The following SNPH variants were observed in gnomAD, a reference collection of about 807,000 sequenced individuals.
The protein encoded by SNPH is syntaphilin.
SNPH carries 10 observed loss-of-function variants against 36.8 expected under a neutral mutation model. That is an observed-to-expected ratio of 0.27 (90% confidence interval 0.17 to 0.46). SNPH has a LOEUF of 0.46. Ranked by LOEUF, SNPH falls within the 20% of genes least tolerant of loss-of-function variation. The pLI is 1.00. For missense variants in SNPH, 622 were observed against 744.0 expected (o/e 0.84, Z 1.91); for synonymous variants, 281 against 312.2 (o/e 0.90, Z 1.05).
At chr20:1,284,731 A>G (rs2088264064) in intron 2 of SNPH, among the ~76,000 whole-genome samples, 1 of 152,126 alleles carries the variant, frequency 6.6e-6, no homozygotes, top group Non-Finnish European at 1.5e-5. Flanking sequence ...GCAAGAAGGC[A>G]GGGTGGCTAG....
At position 1,293,845 on chromosome 20, in the gene SNPH, A is replaced by G. The variant is rs192551807; in HGVS notation, c.-492-1106A>G. On this transcript the variant is annotated intron_variant, in intron 2 of 6. Transcript: ENST00000381867. Reference sequence around the variant, plus strand: ...CAGGTGTGGGGTAGCCAAGCAAGATAGTGGCAGGGACAGCTGGGACAAGGC... The same window carrying G: ...CAGGTGTGGGGTAGCCAAGCAAGATGGTGGCAGGGACAGCTGGGACAAGGC... Among the ~76,000 whole-genome samples the G allele has an allele frequency of 9.3e-4, 142 of 152,312 alleles. 1 individual carries two copies. The highest frequency in any genetic ancestry group is 3.3e-3 in the African/African-American group (136 of 41,578).
At position 1,285,183 on chromosome 20, in the gene SNPH, C is replaced by T. The variant is rs1291817685; in HGVS notation, c.-492-9768C>T. Among the ~76,000 whole-genome samples, 2 of 152,124 alleles carry T rather than the reference C, an allele frequency of 1.3e-5. No homozygotes were observed. Among genetic ancestry groups the T allele is most frequent in the Non-Finnish European group, 2.9e-5 (2 of 68,022 alleles). On this transcript the variant is annotated intron_variant, in intron 2 of 6. Coordinates refer to ENST00000381867, the MANE Select transcript of SNPH (RefSeq NM_001318234.2). The surrounding 1 kb of genome is among the most constrained non-coding windows in gnomAD (Gnocchi z 4.9). Reference sequence around the variant, plus strand: ...CCATTAACTGAAATGAGGGAAGCTGCAGAAAAACAGATTTTTAAGGCAAAA... The same window carrying T: ...CCATTAACTGAAATGAGGGAAGCTGTAGAAAAACAGATTTTTAAGGCAAAA...
At position 1,295,189 on chromosome 20, in the gene SNPH, G is replaced by A. The variant is rs534462843; in HGVS notation, c.-465+211G>A. 1.1e-4 allele frequency among the ~76,000 whole-genome samples: 16 copies of A among 152,238 alleles called. No individual in the cohort carries two copies. The South Asian group carries it at 3.3e-3, about 32-fold the overall frequency. ...AGCACATTGGCTGCAAAGAGCCCAG[G>A]TTCCCCACTCTGCCCCAGACTCCGG... is the stretch of plus-strand genomic sequence containing the variant. On this transcript the variant is annotated intron_variant, in intron 3 of 6. Transcript: ENST00000381867.
intron 2 of SNPH, among the ~76,000 whole-genome samples, chr20:1,283,584 A>T (rs2088250877): frequency 2.0e-5 from 3 of 152,264 alleles, no homozygotes; most frequent in Admixed American, 6.5e-5. Flanking sequence ...CATGGATTTT[A>T]AAAAAATATG....
chr20:1,287,978 G>T (rs971993371), intron 2 of SNPH, among the ~76,000 whole-genome samples: 2 of 152,218 alleles, frequency 1.3e-5, no homozygotes, highest in African/African-American at 4.8e-5. Flanking sequence ...TTCTCCATGG[G>T]TGTCTGCAGA....
chr20:1,285,621 G>T lies in SNPH; in HGVS notation c.-492-9330G>T, dbSNP rs1469235044. Reference sequence around the variant, plus strand: ...CCATTTGAGAGATAAGGAGAATGAGGCTTAGAGGAGTAAAGTGGCATTCCC... The same window carrying T: ...CCATTTGAGAGATAAGGAGAATGAGTCTTAGAGGAGTAAAGTGGCATTCCC... On this transcript the variant is annotated intron_variant, in intron 2 of 6. Transcript: ENST00000381867. The surrounding 1 kb of genome is among the most constrained non-coding windows in gnomAD (Gnocchi z 4.9). 2.6e-5 allele frequency among the ~76,000 whole-genome samples: 4 copies of T among 152,208 alleles called. No homozygotes were observed. Among genetic ancestry groups the T allele is most frequent in the African/African-American group, 9.6e-5 (4 of 41,462 alleles).
rs1274611461 is a variant in SNPH, at chr20:1,307,297, G to T, written c.*1243G>T. The T allele has an allele frequency of 2.0e-5, 3 of 152,258 alleles. No homozygotes were observed. The highest frequency in any genetic ancestry group is 1.3e-4 in the Admixed American group (2 of 15,290). 9.4% of individuals were successfully genotyped at this position (152,258 alleles called of 1,614,324 possible). A position where few individuals can be genotyped will look rare whatever the true frequency, so the allele number is the denominator to read the frequency against. On this transcript the variant is annotated 3_prime_UTR_variant, in exon 7 of 7. Transcript: ENST00000381867. ...CCTGGGATAGGTTTCCTAGGCAGGG[G>T]CGTGGCAGAGCAGGTAGGCGCCCTG...
At chr20:1,280,351 AGG>A (rs2088202443) in intron 2 of SNPH, among the ~76,000 whole-genome samples, 1 of 152,218 alleles carries the variant, frequency 6.6e-6, no homozygotes, top group Non-Finnish European at 1.5e-5. Context: ...GTCTCCCTTG[AGG>A]CTACACACAA....
intron 2 of SNPH, among the ~76,000 whole-genome samples, chr20:1,274,875 C>T (rs1055674223): frequency 6.6e-6 from 1 of 152,202 alleles, no homozygotes; most frequent in Non-Finnish European, 1.5e-5. Flanking sequence ...TTTGGCACCA[C>T]CTCCCCCGTC....
chr20:1,280,033 G>A (rs1047943686), intron 2 of SNPH, among the ~76,000 whole-genome samples: 2 of 152,204 alleles, frequency 1.3e-5, no homozygotes, highest in Non-Finnish European at 2.9e-5. Context: ...ATGGAGAGGC[G>A]AACTATTCAG....
intron 2 of SNPH, among the ~76,000 whole-genome samples, chr20:1,280,810 A>T (rs2088208650): frequency 6.6e-6 from 1 of 152,214 alleles, no homozygotes; most frequent in African/African-American, 2.4e-5. Context: ...TTCCCTCAGC[A>T]GGTGTTTACT....
chr20:1,270,072 G>C (rs1372297121), intron 2 of SNPH, among the ~76,000 whole-genome samples: 1 of 152,180 alleles, frequency 6.6e-6, no homozygotes, highest in Non-Finnish European at 1.5e-5. Context: ...TTCCCTCCAA[G>C]AGTTCCCATC....
chr20:1,287,331 C>T (rs2088295759), intron 2 of SNPH, among the ~76,000 whole-genome samples: 1 of 152,160 alleles, frequency 6.6e-6, no homozygotes. Context: ...TTAAAATGGT[C>T]AGGACTTCTC....
Position 1,305,888 on chromosome 20 carries a change from T to C in SNPH, c.1451T>C (p.Val484Ala). 2 of 1,598,368 alleles carry C rather than the reference T, an allele frequency of 1.3e-6. No homozygotes were observed. The highest frequency in any genetic ancestry group is 1.3e-5 in the African/African-American group (1 of 74,756). ...LAVVVPAVPT[V>A]AWLCRSQRRQ... The stretch of plus-strand genomic sequence containing the variant: ...GTGGTGGTGCCGGCCGTGCCCACGG[T>C]GGCCTGGCTTTGCCGCTCCCAGCGG... Residue 484 changes from valine (V) to alanine (A), a missense_variant, in exon 7 of 7, where the codon GTG becomes GCG. Coordinates refer to ENST00000381867, the MANE Select transcript of SNPH (RefSeq NM_001318234.2).
intron 2 of SNPH, among the ~76,000 whole-genome samples, chr20:1,289,512 TACACACACACACAC>T (rs56289024): frequency 2.5e-4 from 35 of 137,750 alleles, no homozygotes; most frequent in African/African-American, 6.7e-4. Context: ...TTCATTTAAA[TACACACACACACAC>T]ACACACACAC....
intron 2 of SNPH, among the ~76,000 whole-genome samples, chr20:1,290,288 C>T (rs2088343411): frequency 6.6e-6 from 1 of 152,106 alleles, no homozygotes; most frequent in African/African-American, 2.4e-5. Flanking sequence ...TAACCATCAC[C>T]ACTAGCTACT....
At position 1,266,352 on chromosome 20, in the gene SNPH, T is replaced by A. The variant is rs1009869849; in HGVS notation, c.-645T>A. 1 of 229,970 alleles carries A rather than the reference T, an allele frequency of 4.3e-6. No individual in the cohort carries two copies. Among genetic ancestry groups the A allele is most frequent in the East Asian group, 9.5e-5 (1 of 10,578 alleles). 14.2% of individuals were successfully genotyped at this position (229,970 alleles called of 1,614,324 possible). ...CTCCTGCAGGGGCTCGGGAGAGCAA[T>A]TCGGCGGCCCCTGCAGGGCAGCTGA... On this transcript the variant is annotated 5_prime_UTR_variant, in exon 1 of 7. Coordinates refer to ENST00000381867, the MANE Select transcript of SNPH (RefSeq NM_001318234.2). The surrounding 1 kb of genome is among the most constrained non-coding windows in gnomAD (Gnocchi z 6.0).
chr20:1,298,779 C>T (rs1012703371), intron 5 of SNPH, among the ~76,000 whole-genome samples: 2 of 145,524 alleles, frequency 1.4e-5, no homozygotes, highest in African/African-American at 5.1e-5. Flanking sequence ...GAGAAACATG[C>T]GTCACAGCGT....
intron 2 of SNPH, among the ~76,000 whole-genome samples, chr20:1,267,955 T>C (rs1347725107): frequency 1.3e-5 from 2 of 152,206 alleles, no homozygotes; most frequent in Admixed American, 1.3e-4. Flanking sequence ...GCACCTAAAA[T>C]AGTGCCTGTG....
Sources: gnomAD v4.1 joint callset for allele counts (sites outside exome capture counted in the v4.1 genomes callset) on GRCh38, gnomAD v4.1.1 for gene constraint, Gnocchi (gnomAD v3.1) non-coding constraint, MANE v1.5 for transcripts, NCBI Gene and HGNC (gene_info 2026-07-23, HGNC 2026-07-21) for gene names.